The following IQCM variants were observed in gnomAD, a reference collection of about 807,000 sequenced individuals.
IQCM encodes the protein IQ motif containing M.
In IQCM, 45 loss-of-function variants were observed where a neutral mutation model predicts 57.6. The ratio of observed to expected loss-of-function variants is 0.78; its 90% CI spans 0.62 to 1.00. The LOEUF (loss-of-function observed/expected upper bound fraction) is 1.00, where lower values mean the gene tolerates loss of function less well. Among genes scored for constraint, IQCM ranks in the 50% least tolerant of loss-of-function variants. The pLI, the probability that IQCM is intolerant of heterozygous loss-of-function variation, is 0.00. For missense variants in IQCM, 468 were observed against 511.6 expected (o/e 0.91, Z 0.82); for synonymous variants, 148 against 158.9 (o/e 0.93, Z 0.51).
chr4:149,366,740 C>T (rs750763985), intron 13 of IQCM, among the ~76,000 whole-genome samples: 44 of 151,678 alleles, frequency 2.9e-4, no homozygotes, highest in Admixed American at 9.2e-4. Flanking sequence ...TTGATATCTA[C>T]AACTTACTCT....
At chr4:149,618,962 A>G (rs1337325160) in intron 8 of IQCM, among the ~76,000 whole-genome samples, 1 of 152,136 alleles carries the variant, frequency 6.6e-6, no homozygotes, top group Non-Finnish European at 1.5e-5. Context: ...CAGTTCAGCA[A>G]TTCAACTACT....
At chr4:149,648,490 C>T (rs1561103357) in intron 7 of IQCM, among the ~76,000 whole-genome samples, 2 of 152,116 alleles carry the variant, frequency 1.3e-5, no homozygotes, top group African/African-American at 4.8e-5. Flanking sequence ...GTGAAAAGTG[C>T]CGTAATAAAC....
chr4:149,496,378 G>T (rs1368038569), intron 12 of IQCM, among the ~76,000 whole-genome samples: 2 of 152,128 alleles, frequency 1.3e-5, no homozygotes, highest in Non-Finnish European at 2.9e-5. Context: ...AAGAGGCTTT[G>T]CAGATGTAAT....
intron 8 of IQCM, among the ~76,000 whole-genome samples, chr4:149,615,693 G>A (rs1755731762): frequency 6.6e-6 from 1 of 152,142 alleles, no homozygotes; most frequent in Non-Finnish European, 1.5e-5. Context: ...TATCTACAAT[G>A]ACTTTATTTT....
chr4:149,596,596 A>T (rs1235190661), intron 8 of IQCM, among the ~76,000 whole-genome samples: 3 of 152,126 alleles, frequency 2.0e-5, no homozygotes, highest in African/African-American at 7.2e-5. Context: ...AAGATTTTTT[A>T]AATGTCCTGT....
chr4:149,430,970 AC>A (rs1162504989), intron 13 of IQCM, among the ~76,000 whole-genome samples: 1 of 151,878 alleles, frequency 6.6e-6, no homozygotes, highest in African/African-American at 2.4e-5. Flanking sequence ...GAGGCTGAGG[AC>A]GGGCAGATCA....
intron 5 of IQCM, among the ~76,000 whole-genome samples, chr4:149,689,900 A>C (rs191067861): frequency 2.6e-4 from 40 of 152,216 alleles, no homozygotes; most frequent in African/African-American, 9.1e-4. Context: ...ATAATCAAAA[A>C]ATTAAAAACA....
chr4:149,493,058 A>G (rs1377053403), intron 12 of IQCM, among the ~76,000 whole-genome samples: 1 of 152,092 alleles, frequency 6.6e-6, no homozygotes, highest in Non-Finnish European at 1.5e-5. Flanking sequence ...TTATGATGTG[A>G]ATCAGACTCA....
chr4:149,800,594 A>C (rs1340510673), intron 2 of IQCM, among the ~76,000 whole-genome samples: 1 of 151,832 alleles, frequency 6.6e-6, no homozygotes, highest in Non-Finnish European at 1.5e-5. Context: ...ATTTGGAAAA[A>C]CCTAAAGACT....
At chr4:149,482,329 G>T (rs1175132498) in intron 12 of IQCM, among the ~76,000 whole-genome samples, 1 of 151,892 alleles carries the variant, frequency 6.6e-6, no homozygotes, top group Non-Finnish European at 1.5e-5. Flanking sequence ...AATAACAGTG[G>T]TGAAAGTAGG....
At chr4:149,802,640 A>T (rs1423123752) in intron 2 of IQCM, among the ~76,000 whole-genome samples, 1 of 151,942 alleles carries the variant, frequency 6.6e-6, no homozygotes, top group Admixed American at 6.6e-5. Flanking sequence ...GCTCAAGTAA[A>T]CTCTAAATTA....
At chr4:149,711,594 C>T (rs186267682) in intron 5 of IQCM, among the ~76,000 whole-genome samples, 1 of 152,202 alleles carries the variant, frequency 6.6e-6, no homozygotes, top group Admixed American at 6.5e-5. Context: ...AATTGGCTTT[C>T]AATAAAGCAG....
In IQCM at chr4:149,602,029, G is replaced by A. The variant is rs543417771; in HGVS notation, c.682-14032C>T. Among the ~76,000 whole-genome samples the A allele has an allele frequency of 2.7e-3, 387 of 143,330 alleles. 7 individuals carry two copies. Among genetic ancestry groups the A allele is most frequent in the African/African-American group, 9.5e-3 (367 of 38,564 alleles). The allele number at this position is 143,330 out of a possible 152,430, so 94.0% of individuals were successfully genotyped here. The stretch of plus-strand genomic sequence containing the variant: ...AGATTGTGCCACTGCGCTCCAGCCT[G>A]GGCGACAAAAAAAAAAAAAAAAAAA... On this transcript the variant is annotated intron_variant, in intron 8 of 13. Coordinates refer to ENST00000636793, the MANE Select transcript of IQCM (RefSeq NM_001363507.2).
chr4:149,648,126 T>A (rs1758811520), intron 7 of IQCM, among the ~76,000 whole-genome samples: 1 of 152,188 alleles, frequency 6.6e-6, no homozygotes, highest in Admixed American at 6.5e-5. Flanking sequence ...CATCTTCTCA[T>A]TTATTTATTT....
intron 12 of IQCM, among the ~76,000 whole-genome samples, chr4:149,519,482 C>T (rs1293659942): frequency 2.0e-5 from 3 of 151,596 alleles, no homozygotes; most frequent in Admixed American, 6.6e-5. Context: ...ATTAGCCTGG[C>T]GTGGTGGCGG....
At chr4:149,616,315 A>G (rs988287570) in intron 8 of IQCM, among the ~76,000 whole-genome samples, 2 of 152,218 alleles carry the variant, frequency 1.3e-5, no homozygotes, top group African/African-American at 4.8e-5. Context: ...CCTTGAAAAC[A>G]TGCTGAGATA....
chr4:149,545,649 A>T (rs1348864392), intron 12 of IQCM, among the ~76,000 whole-genome samples: 4 of 152,184 alleles, frequency 2.6e-5, no homozygotes, highest in Non-Finnish European at 5.9e-5. Flanking sequence ...AACAATTAAA[A>T]ATAGAACTAC....
At position 149,798,564 on chromosome 4, in the gene IQCM, G is replaced by GA. The variant is rs1258542786; in HGVS notation, c.-49+16746dup. On this transcript the variant is annotated intron_variant, in intron 2 of 13. Transcript: ENST00000636793. ...AAAGACAGAGAGTAGTTGAATGAAT[G>GA]AAAAAATAAGACCCATTATCTGTTG... Among the ~76,000 whole-genome samples the GA allele has an allele frequency of 2.0e-5, 3 of 151,844 alleles. No individual in the cohort carries two copies. In the East Asian group the frequency reaches 5.8e-4, roughly 29 times the overall value.
chr4:149,397,167 G>A (rs2111111846), intron 13 of IQCM, among the ~76,000 whole-genome samples: 1 of 151,820 alleles, frequency 6.6e-6, no homozygotes, highest in East Asian at 2.0e-4. Flanking sequence ...CACCAACAAT[G>A]TGCAAGTGTT....
Sources: allele counts gnomAD v4.1 joint callset (sites outside exome capture counted in the v4.1 genomes callset), GRCh38; gene constraint gnomAD v4.1.1; transcripts MANE v1.5; gene names NCBI Gene and HGNC (gene_info 2026-07-23, HGNC 2026-07-21).